Variants in AFG2A observed in about 807,000 individuals in gnomAD.
The protein encoded by AFG2A is ATPase family gene 2 protein homolog A.
chr4:122,947,341 G>A, the AFG2A span: 1 of 1,614,080 alleles, frequency 6.2e-7, no homozygotes, highest in Non-Finnish European at 8.5e-7. Flanking sequence ...TGAGATTGGA[G>A]TTCCCAATGC....
At chr4:123,261,953 T>A in the AFG2A span, among the ~76,000 whole-genome samples, 215 of 151,478 alleles carry the variant, frequency 1.4e-3, 1 homozygote, top group South Asian at 0.012. Context: ...CTAATTTTTT[T>A]AAAAAAATTT....
At chr4:123,119,404 A>G in the AFG2A span, among the ~76,000 whole-genome samples, 1 of 152,182 alleles carries the variant, frequency 6.6e-6, no homozygotes, top group South Asian at 2.1e-4. Context: ...GGGTGCGCAT[A>G]GCAGAGGGCC....
chr4:122,942,454 G>T, the AFG2A span, among the ~76,000 whole-genome samples: 1 of 151,472 alleles, frequency 6.6e-6, no homozygotes, highest in Middle Eastern at 3.4e-3. Flanking sequence ...ATGGTAGTTT[G>T]TATTTCTGTG....
chr4:123,028,046 A>AT, the AFG2A span: 1 of 676,142 alleles, frequency 1.5e-6, no homozygotes, highest in Non-Finnish European at 2.4e-6. Context: ...TATTCTTGGA[A>AT]TTTTTTAAAG....
chr4:123,280,391 GT>G, the AFG2A span, among the ~76,000 whole-genome samples: 772 of 152,168 alleles, frequency 5.1e-3, 8 homozygotes, highest in African/African-American at 0.018. Context: ...ATAAACATTA[GT>G]TTTCTATCCC....
the AFG2A span, among the ~76,000 whole-genome samples, chr4:123,171,349 T>C: frequency 2.6e-5 from 4 of 152,136 alleles, no homozygotes; most frequent in Non-Finnish European, 4.4e-5. Context: ...ATACATTTGT[T>C]CTATGTAATG....
At chr4:123,071,924 A>G in the AFG2A span, among the ~76,000 whole-genome samples, 11 of 152,216 alleles carry the variant, frequency 7.2e-5, no homozygotes, top group Non-Finnish European at 1.2e-4. Context: ...TCTTCAGTAC[A>G]GCTTCCTTTC....
chr4:123,311,496 A>G, the AFG2A span, among the ~76,000 whole-genome samples: 240 of 152,042 alleles, frequency 1.6e-3, 1 homozygote, highest in Non-Finnish European at 1.9e-3. Flanking sequence ...GCGTGGTGGC[A>G]CGCGCCCGTA....
chr4:123,134,595 A>ATTTTTT, the AFG2A span, among the ~76,000 whole-genome samples: 1 of 132,694 alleles, frequency 7.5e-6, no homozygotes, highest in Non-Finnish European at 1.6e-5. Flanking sequence ...GAATTTTAGG[A>ATTTTTT]TTTTTTTTTT....
At chr4:123,302,823 A>T in the AFG2A span, among the ~76,000 whole-genome samples, 1 of 152,236 alleles carries the variant, frequency 6.6e-6, no homozygotes. Flanking sequence ...GGAGGTAGTG[A>T]GGTCACCTCT....
At chr4:123,261,712 T>C in the AFG2A span, among the ~76,000 whole-genome samples, 8 of 152,122 alleles carry the variant, frequency 5.3e-5, no homozygotes, top group Non-Finnish European at 1.0e-4. Context: ...CACCAATAAA[T>C]AGCCTATTCT....
the AFG2A span, among the ~76,000 whole-genome samples, chr4:123,041,743 G>C: frequency 6.6e-6 from 1 of 150,526 alleles, no homozygotes; most frequent in Non-Finnish European, 1.5e-5. Context: ...GGTCAGGCTG[G>C]TCTTGAACTC....
At chr4:123,061,107 T>G in the AFG2A span, among the ~76,000 whole-genome samples, 1 of 152,222 alleles carries the variant, frequency 6.6e-6, no homozygotes, top group Non-Finnish European at 1.5e-5. Context: ...CAAAGCCACT[T>G]AACACGTCTC....
At chr4:123,070,192 A>G in the AFG2A span, among the ~76,000 whole-genome samples, 7 of 152,292 alleles carry the variant, frequency 4.6e-5, no homozygotes, top group Non-Finnish European at 1.0e-4. Context: ...TAACTTTAAA[A>G]GATTTAAAAG....
the AFG2A span, among the ~76,000 whole-genome samples, chr4:123,215,443 G>A: frequency 6.6e-6 from 1 of 152,034 alleles, no homozygotes; most frequent in African/African-American, 2.4e-5. Flanking sequence ...GAATGTTTGA[G>A]CTAAAGGAAA....
At chr4:123,208,953 G>A in the AFG2A span, among the ~76,000 whole-genome samples, 2 of 152,194 alleles carry the variant, frequency 1.3e-5, no homozygotes, top group Admixed American at 1.3e-4. Context: ...AGAGAACAAG[G>A]CATGATTATA....
chr4:122,935,469 C>A, the AFG2A span, among the ~76,000 whole-genome samples: 2 of 150,590 alleles, frequency 1.3e-5, no homozygotes, highest in Non-Finnish European at 3.0e-5. Context: ...ATGTGGGTGT[C>A]CAGTTTTTTT....
chr4:123,138,443 A>G, the AFG2A span, among the ~76,000 whole-genome samples: 1 of 152,128 alleles, frequency 6.6e-6, no homozygotes, highest in Non-Finnish European at 1.5e-5. Context: ...AAAGCTTACT[A>G]TTTTCTCATT....
chr4:123,093,390 C>T, the AFG2A span, among the ~76,000 whole-genome samples: 21 of 152,296 alleles, frequency 1.4e-4, no homozygotes, highest in African/African-American at 4.3e-4. Context: ...GCCATGGAAA[C>T]GGGTGGTAAC....
Sources: allele counts gnomAD v4.1 joint callset (sites outside exome capture counted in the v4.1 genomes callset), GRCh38; gene constraint gnomAD v4.1.1; transcripts MANE v1.5; gene names NCBI Gene and HGNC (gene_info 2026-07-23, HGNC 2026-07-21).